The following TF variants were observed in gnomAD, a reference collection of about 807,000 sequenced individuals.
TF encodes the protein serotransferrin.
A neutral mutation model predicts 82.4 loss-of-function variants in TF; 55 were observed. The observed-to-expected ratio is 0.67, with a 90% CI of 0.54 to 0.84. TF has a LOEUF of 0.84. TF is among the 40% of genes least tolerant of loss of function. TF has a pLI of 0.00. For synonymous variants in TF, 332 were observed against 332.6 expected (o/e 1.00, Z 0.02); for missense variants, 737 against 868.4 (o/e 0.85, Z 1.90).
intron 15 of TF, among the ~76,000 whole-genome samples, chr3:133,775,862 A>G (rs1216067064): frequency 6.6e-6 from 1 of 152,166 alleles, no homozygotes; most frequent in Non-Finnish European, 1.5e-5. Context: ...CAGCTTCCTC[A>G]TATATAAAAT....
intron 8 of TF, among the ~76,000 whole-genome samples, chr3:133,758,712 A>G (rs1933904818): frequency 6.6e-6 from 1 of 152,218 alleles, no homozygotes; most frequent in Non-Finnish European, 1.5e-5. Context: ...GCAGATGTAC[A>G]TTTATTCATC....
At chr3:133,734,635 C>T in the TF span, among the ~76,000 whole-genome samples, 2 of 152,084 alleles carry the variant, frequency 1.3e-5, no homozygotes, top group Non-Finnish European at 2.9e-5. Flanking sequence ...AATTAATAAG[C>T]ATAGAAGAAG....
chr3:133,697,350 AT>A, the TF span, among the ~76,000 whole-genome samples: 1 of 152,176 alleles, frequency 6.6e-6, no homozygotes, highest in Non-Finnish European at 1.5e-5. Context: ...ATTATCCACA[AT>A]TTTAATTAGT....
the TF span, among the ~76,000 whole-genome samples, chr3:133,683,008 G>A: frequency 5.9e-5 from 9 of 152,194 alleles, no homozygotes; most frequent in African/African-American, 1.9e-4. Context: ...TGATCTCGCG[G>A]CAGAAACTCT....
intron 6 of TF, among the ~76,000 whole-genome samples, chr3:133,756,542 C>T (rs1186841180): frequency 6.6e-6 from 1 of 152,180 alleles, no homozygotes; most frequent in Non-Finnish European, 1.5e-5. Context: ...AATCTCTCCA[C>T]ACGGTGCCTC....
intron 5 of TF, chr3:133,755,797 C>G (rs559518287): frequency 6.1e-6 from 3 of 492,226 alleles, no homozygotes; most frequent in South Asian, 4.1e-5. Flanking sequence ...GACAATCATG[C>G]CTCTAGTGTC....
In TF at chr3:133,754,573, A is replaced by T. The variant is rs1933771280; in HGVS notation, c.404A>T (p.Lys135Met). 2 of 1,614,102 alleles carry T rather than the reference A, an allele frequency of 1.2e-6. No individual in the cohort carries two copies. Among genetic ancestry groups the T allele is most frequent in the Non-Finnish European group, 1.7e-6 (2 of 1,180,036 alleles). ...GFQMNQLRGK[K>M]SCHTGLGRSA... ...CAGATGAACCAGCTTCGAGGCAAGA[A>T]GTCCTGCCACACGGGTCTAGGCAGG... Residue 135 changes from lysine (K) to methionine (M), a missense_variant, in exon 4 of 17, where the codon AAG becomes ATG. Physicochemically the swap from Lys to Met is moderately conservative, Grantham distance 95. Transcript: ENST00000402696.
At chr3:133,751,282 G>A (rs1255039011) in intron 2 of TF, among the ~76,000 whole-genome samples, 2 of 145,482 alleles carry the variant, frequency 1.4e-5, no homozygotes, top group East Asian at 4.1e-4. Flanking sequence ...GCCCAGGCTG[G>A]AGTGCAGTGG....
chr3:133,716,649 C>T, the TF span, among the ~76,000 whole-genome samples: 5 of 152,186 alleles, frequency 3.3e-5, no homozygotes, highest in African/African-American at 1.2e-4. Context: ...TTGTCCCACT[C>T]TCCTCCACAA....
At chr3:133,692,484 C>T in the TF span, among the ~76,000 whole-genome samples, 35 of 152,256 alleles carry the variant, frequency 2.3e-4, no homozygotes, top group East Asian at 5.4e-3. Context: ...GGTGCTGAAG[C>T]GCTCCCTAAG....
rs1410248934 is a variant in TF, at chr3:133,784,518, T to C, written c.*5898T>C. 6.7e-6 allele frequency: 1 copy of C among 150,142 alleles called. No homozygotes were observed. The highest frequency in any genetic ancestry group is 1.5e-5 in the Non-Finnish European group (1 of 67,638). The allele number at this position is 150,142 out of a possible 1,614,324, so 9.3% of individuals were successfully genotyped here. Reference sequence around the variant, plus strand: ...AATAATAATAATAATAGGACATAAATGGCTTCTGGAGATGACTTTTTGCAA... The same window carrying C: ...AATAATAATAATAATAGGACATAAACGGCTTCTGGAGATGACTTTTTGCAA... On this transcript the variant is annotated 3_prime_UTR_variant, in exon 17 of 17. Transcript: ENST00000402696.
the TF span, among the ~76,000 whole-genome samples, chr3:133,698,202 T>G: frequency 4.6e-5 from 7 of 152,248 alleles, no homozygotes; most frequent in Non-Finnish European, 8.8e-5. Context: ...TAGAGTGTAC[T>G]TTCACTTCAA....
At position 133,792,402 on chromosome 3, in the gene TF, C is replaced by A. The variant is rs1934863145; in HGVS notation, c.*13782C>A. ...TACAATTTAACGGTGATTAGACCTCCTAAATGCTTCATAAAATGCCACTAT... is the reference window on the plus strand; with the variant it reads ...TACAATTTAACGGTGATTAGACCTCATAAATGCTTCATAAAATGCCACTAT... On this transcript the variant is annotated 3_prime_UTR_variant, in exon 17 of 17. Transcript: ENST00000402696. The A allele has an allele frequency of 6.6e-6, 1 of 152,158 alleles. No homozygotes were observed. The highest frequency in any genetic ancestry group is 2.1e-4 in the South Asian group (1 of 4,830). The allele number at this position is 152,158 out of a possible 1,614,324, so 9.4% of individuals were successfully genotyped here. A position where few individuals can be genotyped will look rare whatever the true frequency, so the allele number is the denominator to read the frequency against.
At chr3:133,693,385 G>A in the TF span, among the ~76,000 whole-genome samples, 1 of 152,196 alleles carries the variant, frequency 6.6e-6, no homozygotes, top group South Asian at 2.1e-4. Flanking sequence ...CAGTTATGTT[G>A]AGGCACAGTA....
At chr3:133,716,818 C>G in the TF span, among the ~76,000 whole-genome samples, 1 of 152,238 alleles carries the variant, frequency 6.6e-6, no homozygotes, top group Non-Finnish European at 1.5e-5. Flanking sequence ...GCAACCTCAT[C>G]TACTTCTTTC....
rs570867522 is a variant in TF at position 133,787,641 on chromosome 3, T to G, written c.*9021T>G. ...AATCACCTCTGTGAACAGTGTTACT[T>G]GTTCATTCAGTTGAGGAAGGTGAGA... On this transcript the variant is annotated 3_prime_UTR_variant, in exon 17 of 17. Coordinates refer to ENST00000402696, the MANE Select transcript of TF (RefSeq NM_001063.4). The G allele has an allele frequency of 6.6e-6, 1 of 152,340 alleles. No homozygotes were observed. Among genetic ancestry groups the G allele is most frequent in the Non-Finnish European group, 1.5e-5 (1 of 68,026 alleles). The allele number at this position is 152,340 out of a possible 1,614,324, so 9.4% of individuals were successfully genotyped here. A position where few individuals can be genotyped will look rare whatever the true frequency, so the allele number is the denominator to read the frequency against.
the TF span, among the ~76,000 whole-genome samples, chr3:133,708,465 T>C: frequency 1.3e-5 from 2 of 152,138 alleles, no homozygotes; most frequent in East Asian, 3.8e-4. Context: ...TTCCTAATAA[T>C]GGTAGCTATT....
chr3:133,696,527 A>G, the TF span, among the ~76,000 whole-genome samples: 73,524 of 151,978 alleles, frequency 0.48, 18,506 homozygotes, highest in Admixed American at 0.56. Flanking sequence ...TGATTCATCT[A>G]TAAATCTACT....
At chr3:133,667,176 C>T in the TF span, among the ~76,000 whole-genome samples, 1 of 151,830 alleles carries the variant, frequency 6.6e-6, no homozygotes. Context: ...GATCTTGTCT[C>T]TAAAAAAAAG....
Sources: gnomAD v4.1 joint callset for allele counts (sites outside exome capture counted in the v4.1 genomes callset) on GRCh38, gnomAD v4.1.1 for gene constraint, MANE v1.5 for transcripts, NCBI Gene and HGNC (gene_info 2026-07-23, HGNC 2026-07-21) for gene names.